Variants in ANXA13 observed in about 807,000 individuals in gnomAD.
ANXA13 encodes the protein annexin XIII.
In ANXA13, 36 loss-of-function variants were observed where a neutral mutation model predicts 46.6. That is an observed-to-expected ratio of 0.77 (90% CI 0.59 to 1.02). The LOEUF (loss-of-function observed/expected upper bound fraction) is 1.02, where lower values mean the gene tolerates loss of function less well. ANXA13 is among the 50% of genes least tolerant of loss of function. The pLI is 0.00. For synonymous variants in ANXA13, 163 were observed against 152.9 expected (o/e 1.07, Z -0.49); for missense variants, 417 against 396.5 (o/e 1.05, Z -0.44).
At chr8:123,706,194 G>A (rs1173810405) in intron 2 of ANXA13, among the ~76,000 whole-genome samples, 2 of 152,150 alleles carry the variant, frequency 1.3e-5, no homozygotes, top group Non-Finnish European at 1.5e-5. Context: ...CCGGAGCTTC[G>A]CCTCCATCGT....
At chr8:123,695,469 A>T in intron 6 of ANXA13, 33 bp downstream of exon 6, 1 of 1,543,484 alleles carries the variant, frequency 6.5e-7, no homozygotes, top group African/African-American at 1.4e-5. Context: ...CTTTCCTAAG[A>T]TGATAAAACA....
chr8:123,737,368 A>G lies in ANXA13; in HGVS notation c.-34T>C. On this transcript the variant is annotated 5_prime_UTR_variant, in exon 1 of 11. An upstream start codon of the reference 5' UTR is lost. Coordinates refer to ENST00000419625, the MANE Select transcript of ANXA13 (RefSeq NM_004306.4). ...TTCTGAGATGGTTTTTCTGTATTTC[A>G]TCAAGAGATCAGTCCTCCTACAGGC... The G allele has an allele frequency of 1.3e-6, 2 of 1,596,252 alleles. No individual in the cohort carries two copies. The highest frequency in any genetic ancestry group is 1.7e-6 in the Non-Finnish European group (2 of 1,165,178).
At chr8:123,705,379 T>A (rs1449684038) in intron 2 of ANXA13, among the ~76,000 whole-genome samples, 1 of 152,232 alleles carries the variant, frequency 6.6e-6, no homozygotes, top group Non-Finnish European at 1.5e-5. Context: ...TCAGAATCCC[T>A]TATGGTGGCA....
intron 1 of ANXA13, among the ~76,000 whole-genome samples, chr8:123,715,233 T>C (rs1180798023): frequency 1.3e-5 from 2 of 152,194 alleles, no homozygotes; most frequent in African/African-American, 4.8e-5. Flanking sequence ...CATCAGAGTA[T>C]TAAGCCAAGC....
At chr8:123,722,449 A>C (rs1489876343) in intron 1 of ANXA13, among the ~76,000 whole-genome samples, 1 of 152,168 alleles carries the variant, frequency 6.6e-6, no homozygotes, top group Non-Finnish European at 1.5e-5. Flanking sequence ...ACTAGATGAG[A>C]CCTGAGACTT....
At chr8:123,692,453 T>C (rs1272135716) in intron 8 of ANXA13, among the ~76,000 whole-genome samples, 2 of 152,228 alleles carry the variant, frequency 1.3e-5, no homozygotes, top group Non-Finnish European at 2.9e-5. Context: ...TCCAGGCGTT[T>C]TGCAAGTAAA....
intron 10 of ANXA13, among the ~76,000 whole-genome samples, chr8:123,682,325 T>C (rs1813054422): frequency 1.3e-5 from 2 of 152,206 alleles, no homozygotes; most frequent in Non-Finnish European, 2.9e-5. Flanking sequence ...AGAAGATTCT[T>C]ACAGCCTAGC....
chr8:123,721,016 G>A (rs1386015067), intron 1 of ANXA13, among the ~76,000 whole-genome samples: 1 of 152,140 alleles, frequency 6.6e-6, no homozygotes, highest in Non-Finnish European at 1.5e-5. Flanking sequence ...TGTACCAGTT[G>A]AACAGTGCTT....
Position 123,681,040 on chromosome 8 carries a change from T to G in ANXA13, c.*200A>C. ...AGCCTAGATGCTTGCTAAGCCAGAG[T>G]TCAAGGTGCCCTGCCCACGCATCTT... On this transcript the variant is annotated 3_prime_UTR_variant, in exon 11 of 11. Transcript: ENST00000419625. 1 of 588,596 alleles carries G rather than the reference T, an allele frequency of 1.7e-6. No homozygotes were observed. The highest frequency in any genetic ancestry group is 2.8e-6 in the Non-Finnish European group (1 of 355,084). The allele number at this position is 588,596 out of a possible 1,614,324, so 36.5% of individuals were successfully genotyped here.
chr8:123,730,636 A>G (rs1039392408), intron 1 of ANXA13, among the ~76,000 whole-genome samples: 1 of 152,212 alleles, frequency 6.6e-6, no homozygotes, highest in African/African-American at 2.4e-5. Context: ...AAATGAAATC[A>G]TCCTGGATTT....
At chr8:123,708,088 T>C (rs1439279329) in intron 2 of ANXA13, among the ~76,000 whole-genome samples, 1 of 152,108 alleles carries the variant, frequency 6.6e-6, no homozygotes, top group Non-Finnish European at 1.5e-5. Flanking sequence ...TTTCACAATA[T>C]GTGTATCGTA....
intron 1 of ANXA13, among the ~76,000 whole-genome samples, 169 bp downstream of exon 1, chr8:123,737,151 G>T (rs183785103): frequency 6.6e-6 from 1 of 151,772 alleles, no homozygotes; most frequent in African/African-American, 2.4e-5. Context: ...GTGAGCCACC[G>T]CACCCGGCCT....
intron 1 of ANXA13, among the ~76,000 whole-genome samples, chr8:123,734,283 T>A (rs1814199328): frequency 6.6e-6 from 1 of 152,214 alleles, no homozygotes; most frequent in Non-Finnish European, 1.5e-5. Context: ...CCCTAGATAG[T>A]GATTCTTGTG....
chr8:123,684,528 A>G lies in ANXA13; in HGVS notation c.831+82T>C. The G allele has an allele frequency of 3.1e-6, 3 of 975,408 alleles. No individual in the cohort carries two copies. In the Admixed American group the frequency reaches 5.7e-5, roughly 19 times the overall value. 60.4% of individuals were successfully genotyped at this position (975,408 alleles called of 1,614,324 possible). On this transcript the variant is annotated intron_variant, in intron 10 of 10. Coordinates refer to ENST00000419625, the MANE Select transcript of ANXA13 (RefSeq NM_004306.4). ...TTACTTTTTCTGTAAATAGGCCCTT[A>G]ATAGAAACTATTTGTTGATGACATC...
chr8:123,734,177 C>G (rs17349815), intron 1 of ANXA13, among the ~76,000 whole-genome samples: 55,803 of 152,074 alleles, frequency 0.37, 10,562 homozygotes, highest in South Asian at 0.48. Context: ...ATCAATGGCT[C>G]TACTAGGTCT....
At position 123,684,700 on chromosome 8, in the gene ANXA13, C is replaced by T. The variant is rs747114107; in HGVS notation, c.741G>A (p.Glu247=). The T allele has an allele frequency of 7.4e-6, 12 of 1,613,736 alleles. No homozygotes were observed. The East Asian group carries it at 1.8e-4, about 24-fold the overall frequency. ...LTLVRCAQDC[E]DYFAERLYKS... is the part of the protein sequence containing the mutation. ...TGTACAGACGTTCAGCAAAATAGTC[C>T]TCACAATCCTGGGCACATCTCACTG... Residue 247 remains glutamate, a synonymous_variant, in exon 10 of 11, where the codon GAG becomes GAA. Transcript: ENST00000419625.
intron 1 of ANXA13, among the ~76,000 whole-genome samples, chr8:123,734,664 T>A (rs1448103493): frequency 6.6e-6 from 1 of 151,698 alleles, no homozygotes; most frequent in East Asian, 1.9e-4. Flanking sequence ...GCAATAATAG[T>A]TGTCAATTAT....
intron 7 of ANXA13, 80 bp downstream of exon 7, chr8:123,693,631 A>G: frequency 7.8e-7 from 1 of 1,274,444 alleles, no homozygotes; most frequent in Non-Finnish European, 1.1e-6. Flanking sequence ...TCCTCTTTGC[A>G]TGAAATAAAC....
intron 4 of ANXA13, among the ~76,000 whole-genome samples, chr8:123,696,678 T>C (rs1487121472): frequency 6.6e-6 from 1 of 152,164 alleles, no homozygotes; most frequent in Non-Finnish European, 1.5e-5. Flanking sequence ...AAGGGCAGGC[T>C]AGGTGCTGGG....
Sources: gnomAD v4.1 joint callset for allele counts (sites outside exome capture counted in the v4.1 genomes callset) on GRCh38, gnomAD v4.1.1 for gene constraint, MANE v1.5 for transcripts, NCBI Gene and HGNC (gene_info 2026-07-23, HGNC 2026-07-21) for gene names.